MAGI1: variants seen among roughly 807,000 people sequenced by gnomAD.
The protein encoded by MAGI1 is membrane-associated guanylate kinase, WW and PDZ domain-containing protein 1.
MAGI1 carries 58 observed loss-of-function variants against 139.9 expected under a neutral mutation model. The observed-to-expected ratio is 0.41, with a 90% confidence interval of 0.34 to 0.52. The LOEUF (loss-of-function observed/expected upper bound fraction) is 0.52. Among genes scored for constraint, MAGI1 ranks in the 20% least tolerant of loss-of-function variants. The pLI, the probability that MAGI1 is intolerant of heterozygous loss-of-function variation, is 0.12. For synonymous variants in MAGI1, 812 were observed against 737.9 expected, an observed-to-expected ratio of 1.10 and a Z score of -1.63; for missense variants, 1,874 against 1,901.6, an observed-to-expected ratio of 0.99 and a Z score of 0.27.
intron 1 of MAGI1, among the ~76,000 whole-genome samples, chr3:65,664,595 A>G (rs1342638123): frequency 6.6e-6 from 1 of 152,192 alleles, no homozygotes; most frequent in Non-Finnish European, 1.5e-5. Context: ...AATCTTCACT[A>G]TTAACAGATT....
At chr3:65,381,120 A>C (rs1943017593) in intron 16 of MAGI1, among the ~76,000 whole-genome samples, 1 of 152,166 alleles carries the variant, frequency 6.6e-6, no homozygotes, top group African/African-American at 2.4e-5. Context: ...AAAGGTGAAC[A>C]ACCAAGGTGT....
chr3:65,772,636 C>G (rs2038049302), intron 1 of MAGI1, among the ~76,000 whole-genome samples: 1 of 152,172 alleles, frequency 6.6e-6, no homozygotes, highest in African/African-American at 2.4e-5. Context: ...ACAGAGGAAG[C>G]AAACAGGGAG....
chr3:65,751,141 A>G (rs2036114431), intron 1 of MAGI1, among the ~76,000 whole-genome samples: 1 of 152,220 alleles, frequency 6.6e-6, no homozygotes, highest in Non-Finnish European at 1.5e-5. Context: ...TATTTGGGGG[A>G]AACATCTGAT....
chr3:65,585,648 C>CATACTACACAATTG (rs1231826573), intron 2 of MAGI1, among the ~76,000 whole-genome samples: 1 of 152,164 alleles, frequency 6.6e-6, no homozygotes, highest in Non-Finnish European at 1.5e-5. Flanking sequence ...CCATACTACA[C>CATACTACACAATTG]AGAGATCTCA....
chr3:65,934,770 T>TG (rs1560029946), intron 1 of MAGI1, among the ~76,000 whole-genome samples: 6 of 148,778 alleles, frequency 4.0e-5, no homozygotes, highest in African/African-American at 7.4e-5. Context: ...AAGTTGTTGT[T>TG]TTTTTTTTTT....
intron 12 of MAGI1, among the ~76,000 whole-genome samples, chr3:65,412,230 TTC>T (rs1945851569): frequency 6.6e-6 from 1 of 152,178 alleles, no homozygotes; most frequent in African/African-American, 2.4e-5. Context: ...TCTGGGCATT[TTC>T]TCTGGCTGCT....
chr3:65,855,847 T>G (rs1463379002), intron 1 of MAGI1, among the ~76,000 whole-genome samples: 1 of 151,632 alleles, frequency 6.6e-6, no homozygotes. Flanking sequence ...CCTTCATTCA[T>G]GTGTATCCAC....
chr3:65,364,706 G>T lies in MAGI1; in HGVS notation c.3310C>A (p.Gln1104Lys). Residue 1104 changes from glutamine (Q) to lysine (K), a missense_variant, in exon 20 of 23, where the codon CAG becomes AAG. By Grantham distance (53) the Gln-to-Lys change is moderately conservative. Around this residue, in one of 5 missense-constraint regions of MAGI1, gnomAD observed 653 missense variants for 644.5 expected, o/e 1.01. Coordinates refer to ENST00000402939, the MANE Select transcript of MAGI1 (RefSeq NM_001033057.2). ...QETRNTTKPKQESQFEFKAPQ... is the reference protein window; with the variant it reads ...QETRNTTKPKKESQFEFKAPQ... ...GCTTTGAACTCAAATTGAGATTCCT[G>T]CTTTGGTTTGGTGGTATTCCTGCCA... 6.2e-7 allele frequency: 1 copy of T among 1,614,120 alleles called. No individual in the cohort carries two copies. Among genetic ancestry groups the T allele is most frequent in the Non-Finnish European group, 8.5e-7 (1 of 1,179,968 alleles).
chr3:65,419,059 G>C (rs556401006), intron 12 of MAGI1, among the ~76,000 whole-genome samples: 1 of 152,098 alleles, frequency 6.6e-6, no homozygotes, highest in Admixed American at 6.5e-5. Context: ...CTTGAATGGT[G>C]ATGTGCCTCA....
At chr3:65,501,453 C>CAAAAA (rs35967662) in intron 2 of MAGI1, among the ~76,000 whole-genome samples, 2,286 of 80,410 alleles carry the variant, frequency 0.028, 160 homozygotes, top group African/African-American at 0.082. Context: ...GACTCTGTCT[C>CAAAAA]AAAAAAAAAA....
At chr3:65,498,884 G>T in intron 2 of MAGI1, 1 of 349,632 alleles carries the variant, frequency 2.9e-6, no homozygotes, top group Non-Finnish European at 4.0e-6. Flanking sequence ...GCCACATGTG[G>T]CTAGTGGCTA....
intron 1 of MAGI1, among the ~76,000 whole-genome samples, chr3:65,829,063 A>T (rs1377129643): frequency 1.3e-5 from 2 of 152,244 alleles, no homozygotes; most frequent in Non-Finnish European, 2.9e-5. Flanking sequence ...CAGAACTTTT[A>T]AAAAGGAACA....
In MAGI1 at chr3:65,478,807, T is replaced by C. The variant is rs2107614936; in HGVS notation, c.551-9A>G. ...TGTCCCATAATAGTTTCCTAGGTGA[T>C]GGAGAGACACATTTGCATGTTTCAA... is the stretch of plus-strand genomic sequence containing the variant. On this transcript the variant is annotated splice_polypyrimidine_tract_variant and intron_variant, in intron 3 of 22. Transcript: ENST00000402939. 6.3e-7 allele frequency: 1 copy of C among 1,599,894 alleles called. No homozygotes were observed. The highest frequency in any genetic ancestry group is 8.6e-7 in the Non-Finnish European group (1 of 1,167,500).
chr3:66,007,222 C>T (rs1211440689), intron 1 of MAGI1, among the ~76,000 whole-genome samples: 1 of 152,140 alleles, frequency 6.6e-6, no homozygotes, highest in Non-Finnish European at 1.5e-5. Flanking sequence ...CCATGGCGCT[C>T]AAGAGGGAAG....
intron 3 of MAGI1, among the ~76,000 whole-genome samples, 166 bp from the exon 4 acceptor site, chr3:65,478,964 A>G (rs1364969922): frequency 1.3e-5 from 2 of 152,144 alleles, no homozygotes; most frequent in Non-Finnish European, 2.9e-5. Context: ...TATCTTTCCT[A>G]TCCAGCTAGA....
At chr3:65,973,373 T>A (rs559239466) in intron 1 of MAGI1, among the ~76,000 whole-genome samples, 1 of 152,230 alleles carries the variant, frequency 6.6e-6, no homozygotes, top group South Asian at 2.1e-4. Flanking sequence ...GTAGAAAAAA[T>A]TTCCTTTGGG....
At chr3:65,468,983 A>AAATAAATAAATAAAT (rs1559582119) in intron 5 of MAGI1, among the ~76,000 whole-genome samples, 1 of 151,358 alleles carries the variant, frequency 6.6e-6, no homozygotes, top group South Asian at 2.1e-4. Flanking sequence ...ATAAATAAAT[A>AAATAAATAAATAAAT]AATAAATGTG....
intron 2 of MAGI1, among the ~76,000 whole-genome samples, chr3:65,511,673 CAAAG>C (rs1244382554): frequency 6.1e-5 from 9 of 147,688 alleles, no homozygotes; most frequent in Admixed American, 5.5e-4. Context: ...GAGTGACCTA[CAAAG>C]AGACTTAGAC....
intron 2 of MAGI1, among the ~76,000 whole-genome samples, chr3:65,574,495 T>C (rs555441366): frequency 6.6e-6 from 1 of 151,234 alleles, no homozygotes; most frequent in South Asian, 2.1e-4. Context: ...ATCTACCCTA[T>C]TCATGGGCAA....
Sources: allele counts gnomAD v4.1 joint callset (sites outside exome capture counted in the v4.1 genomes callset), GRCh38; gene constraint gnomAD v4.1.1; regional missense constraint gnomAD v4.1.1; transcripts MANE v1.5; gene names NCBI Gene and HGNC (gene_info 2026-07-23, HGNC 2026-07-21).